ITGAX: variants seen among roughly 807,000 people sequenced by gnomAD.
ITGAX encodes integrin alpha-X.
In ITGAX, 99 loss-of-function variants were observed where a neutral mutation model predicts 140.2. The observed-to-expected ratio is 0.71, with a 90% CI of 0.60 to 0.83. ITGAX has a LOEUF of 0.83. ITGAX is among the 40% of genes least tolerant of loss of function. The pLI, the probability that ITGAX is intolerant of heterozygous loss-of-function variation, is 0.00. For missense variants in ITGAX, 1,444 were observed against 1,482.0 expected (o/e 0.97, Z 0.42); for synonymous variants, 631 against 600.4 (o/e 1.05, Z -0.75).
At position 31,359,770 on chromosome 16, in the gene ITGAX, T is replaced by C; in HGVS notation, c.501T>C (p.Phe167=). The C allele has an allele frequency of 2.5e-6, 4 of 1,614,138 alleles. No homozygotes were observed. Among genetic ancestry groups the C allele is most frequent in the Non-Finnish European group, 3.4e-6 (4 of 1,180,036 alleles). The part of the protein sequence containing the change: ...DGSGSISSRN[F]ATMMNFVRAV... ...CAGGCAGCATCTCCTCCCGCAACTT[T>C]GCCACGATGATGAACTTCGTGAGAG... The change falls in exon 6 of 30, where the codon TTT becomes TTC. Residue 167 remains phenylalanine, a synonymous_variant. Coordinates refer to ENST00000268296, the MANE Select transcript of ITGAX (RefSeq NM_000887.5).
rs1425837633 is a variant in ITGAX at position 31,372,401 on chromosome 16, C to T, written c.2184C>T (p.Thr728=). 4 of 1,608,762 alleles carry T rather than the reference C, an allele frequency of 2.5e-6. No homozygotes were observed. The East Asian group carries it at 6.7e-5, about 27-fold the overall frequency. The change falls in exon 18 of 30, where the codon ACC becomes ACT. Residue 728 remains threonine, a synonymous_variant. Transcript: ENST00000268296. ...AGAGCTGCGTGGAGGACTCTGTGACCCCCATTACCTTGCGTCTGAACTTCA... is the reference window on the plus strand; with the variant it reads ...AGAGCTGCGTGGAGGACTCTGTGACTCCCATTACCTTGCGTCTGAACTTCA... ...LLPSCVEDSV[T]PITLRLNFTL... is the part of the protein sequence containing the mutation.
intron 9 of ITGAX, 49 bp downstream of exon 9, chr16:31,361,262 C>T (rs780948437): frequency 1.0e-5 from 16 of 1,562,100 alleles, no homozygotes; most frequent in Admixed American, 4.0e-5. Context: ...GCCGTTAACA[C>T]CTTTCCACTT....
intron 28 of ITGAX, 109 bp downstream of exon 28, chr16:31,380,733 C>T: frequency 7.1e-7 from 1 of 1,415,684 alleles, no homozygotes; most frequent in Non-Finnish European, 9.9e-7. Context: ...GGGCGAAGGC[C>T]TCTGGGCAGG....
chr16:31,381,130 G>T (rs550238021), intron 29 of ITGAX, 123 bp downstream of exon 29: 2 of 666,150 alleles, frequency 3.0e-6, no homozygotes, highest in South Asian at 4.2e-5. Context: ...ATGAGAAACT[G>T]CTTCCCACCT....
chr16:31,380,761 C>A, intron 28 of ITGAX, 136 bp from the exon 29 acceptor site: 1 of 1,278,220 alleles, frequency 7.8e-7, no homozygotes, highest in Non-Finnish European at 1.1e-6. Context: ...TCCCTAAGGG[C>A]ACGGGTGCTG....
intron 28 of ITGAX, 107 bp downstream of exon 28, chr16:31,380,731 G>T (rs1597085621): frequency 1.4e-6 from 2 of 1,423,288 alleles, no homozygotes; most frequent in South Asian, 1.2e-5. Flanking sequence ...GAGGGCGAAG[G>T]CCTCTGGGCA....
chr16:31,357,992 T>C (rs1305897448), intron 5 of ITGAX: 1 of 155,396 alleles, frequency 6.4e-6, no homozygotes, highest in African/African-American at 2.4e-5. Flanking sequence ...ACAGTGGGCT[T>C]TGGCAGGCTG....
rs1000635249 is a variant in ITGAX, at chr16:31,371,454, C to T, written c.1962C>T (p.Ile654=). The part of the protein sequence containing the change: ...VSEQTLVQSN[I]CLYIDKRSKN... ...AGCAGACCCTGGTACAGTCCAACATCTGCCTTTACATTGACAAACGTTCTA... is the reference window on the plus strand; with the variant it reads ...AGCAGACCCTGGTACAGTCCAACATTTGCCTTTACATTGACAAACGTTCTA... Residue 654 remains isoleucine (I), a synonymous_variant, in exon 16 of 30, where the codon ATC becomes ATT. Coordinates refer to ENST00000268296, the MANE Select transcript of ITGAX (RefSeq NM_000887.5). 2 of 1,614,092 alleles carry T rather than the reference C, an allele frequency of 1.2e-6. No individual in the cohort carries two copies. Among genetic ancestry groups the T allele is most frequent in the African/African-American group, 2.7e-5 (2 of 74,938 alleles).
At chr16:31,356,243 T>A (rs949827817) in intron 2 of ITGAX, 29 of 489,936 alleles carry the variant, frequency 5.9e-5, no homozygotes, top group Non-Finnish European at 1.0e-4. Flanking sequence ...AGCCTGTGAG[T>A]AGGAATCAGT....
Position 31,361,336 on chromosome 16 carries a change from G to A in ITGAX, c.1012+123G>A, listed in dbSNP as rs1034701496. 1.8e-5 allele frequency: 20 copies of A among 1,105,092 alleles called. No homozygotes were observed. The African/African-American group carries it at 1.9e-4, about 10-fold the overall frequency. The allele number at this position is 1,105,092 out of a possible 1,614,324, so 68.5% of individuals were successfully genotyped here. On this transcript the variant is annotated intron_variant, in intron 9 of 29. Transcript: ENST00000268296. ...GGTTCTCCTGCTTTCCCGGGACCCC[G>A]ATAGCCATGTCTGTCAGCTTGTCCC...
intron 26 of ITGAX, 73 bp from the exon 27 acceptor site, chr16:31,380,193 G>C: frequency 6.4e-7 from 1 of 1,553,230 alleles, no homozygotes; most frequent in Non-Finnish European, 8.8e-7. Flanking sequence ...CTGCCCTCAA[G>C]TCACACCGCA....
At chr16:31,368,967 CT>C (rs940761421) in intron 14 of ITGAX, among the ~76,000 whole-genome samples, 1 of 152,220 alleles carries the variant, frequency 6.6e-6, no homozygotes, top group African/African-American at 2.4e-5. Flanking sequence ...AAGAATTTTT[CT>C]TAGTACAGAA....
At chr16:31,380,234 T>C in intron 26 of ITGAX, 32 bp from the exon 27 acceptor site, 1 of 1,604,990 alleles carries the variant, frequency 6.2e-7, no homozygotes, top group Non-Finnish European at 8.5e-7. Flanking sequence ...ACACTCATCT[T>C]TCTCAGCCCC....
intron 7 of ITGAX, 106 bp from the exon 8 acceptor site, chr16:31,360,204 G>A: frequency 6.6e-7 from 1 of 1,508,422 alleles, no homozygotes; most frequent in Non-Finnish European, 9.0e-7. Flanking sequence ...CCTCTGGGTG[G>A]GACTGGGGCC....
intron 23 of ITGAX, among the ~76,000 whole-genome samples, chr16:31,378,470 A>AT (rs1269028785): frequency 0.065 from 9,406 of 144,946 alleles, 933 homozygotes; most frequent in African/African-American, 0.22. Context: ...TCTTTGCCTC[A>AT]TTTTTTTTTT....
chr16:31,373,451 G>A, intron 20 of ITGAX, 61 bp downstream of exon 20: 4 of 1,517,840 alleles, frequency 2.6e-6, no homozygotes, highest in Non-Finnish European at 3.6e-6. Flanking sequence ...TTCCCGTGCG[G>A]TTCAGAACCC....
Position 31,380,531 on chromosome 16 carries a change from G to A in ITGAX, c.3183G>A (p.Gln1061=), listed in dbSNP as rs1264662392. The change falls in exon 28 of 30, where the codon CAG becomes CAA. Residue 1061 remains glutamine (Q), a synonymous_variant. Coordinates refer to ENST00000268296, the MANE Select transcript of ITGAX (RefSeq NM_000887.5). ...LSFGWVRQIL[Q]KKVSVVSVAE... is the part of the protein sequence containing the mutation. ...CCCCAACCCCTTTGCAGATATTGCA[G>A]AAGAAGGTGTCGGTCGTGAGTGTGG... 1 of 1,614,150 alleles carries A rather than the reference G, an allele frequency of 6.2e-7. No individual in the cohort carries two copies. Among genetic ancestry groups the A allele is most frequent in the Non-Finnish European group, 8.5e-7 (1 of 1,180,060 alleles).
intron 14 of ITGAX, among the ~76,000 whole-genome samples, chr16:31,366,932 AAGAAAAAGTT>A: frequency 1.3e-5 from 2 of 152,370 alleles, no homozygotes; most frequent in South Asian, 4.1e-4. Flanking sequence ...TCTGAATGCA[AAGAAAAAGTT>A]ATTGAAGGAA....
At chr16:31,368,606 T>C (rs2080917246) in intron 14 of ITGAX, among the ~76,000 whole-genome samples, 1 of 151,460 alleles carries the variant, frequency 6.6e-6, no homozygotes, top group Non-Finnish European at 1.5e-5. Context: ...TTTATTTATT[T>C]TTTTATTTTT....
Sources: gnomAD v4.1 joint callset for allele counts (sites outside exome capture counted in the v4.1 genomes callset) on GRCh38, gnomAD v4.1.1 for gene constraint, MANE v1.5 for transcripts, NCBI Gene and HGNC (gene_info 2026-07-23, HGNC 2026-07-21) for gene names.